MACROD2: variants seen among roughly 807,000 people sequenced by gnomAD.
MACROD2 encodes mono-ADP ribosylhydrolase 2, also known as ADP-ribose glycohydrolase MACROD2.
A neutral mutation model predicts 70.4 loss-of-function variants in MACROD2; 36 were observed. The observed-to-expected ratio is 0.51, with a 90% confidence interval of 0.39 to 0.68. MACROD2 has a LOEUF of 0.68. Ranked by LOEUF, MACROD2 falls within the 30% of genes least tolerant of loss-of-function variation. The pLI, the probability that MACROD2 is intolerant of heterozygous loss-of-function variation, is 0.00. For missense variants in MACROD2, 496 were observed against 538.4 expected (o/e 0.92, Z 0.78); for synonymous variants, 172 against 178.8 (o/e 0.96, Z 0.30).
chr20:14,014,222 TC>T (rs1182364099), intron 2 of MACROD2, among the ~76,000 whole-genome samples: 2 of 141,584 alleles, frequency 1.4e-5, no homozygotes, highest in Non-Finnish European at 3.1e-5. Flanking sequence ...CCTTTCTTGC[TC>T]CCCCCTCCCC....
chr20:14,605,381 C>T (rs1435292851), intron 4 of MACROD2, among the ~76,000 whole-genome samples: 2 of 86,444 alleles, frequency 2.3e-5, no homozygotes, highest in African/African-American at 9.5e-5. Flanking sequence ...TCCCTCTATA[C>T]CTGCTCAGGT....
At chr20:15,624,206 G>A (rs2049169624) in intron 8 of MACROD2, among the ~76,000 whole-genome samples, 1 of 152,324 alleles carries the variant, frequency 6.6e-6, no homozygotes, top group South Asian at 2.1e-4. Flanking sequence ...GGAGAAAGGT[G>A]AGTGCCAGAA....
intron 5 of MACROD2, among the ~76,000 whole-genome samples, chr20:14,802,483 C>A (rs532054275): frequency 2.6e-5 from 4 of 151,578 alleles, no homozygotes; most frequent in Non-Finnish European, 5.9e-5. Flanking sequence ...TTAGCACACA[C>A]TGTTGATACA....
chr20:14,966,984 A>G (rs960688472), intron 5 of MACROD2, among the ~76,000 whole-genome samples: 3 of 151,698 alleles, frequency 2.0e-5, no homozygotes, highest in Admixed American at 6.6e-5. Context: ...TTGTTTAAAC[A>G]AATAATTTAT....
At chr20:14,002,145 A>G in intron 1 of MACROD2, 143 bp from the exon 2 acceptor site, 1 of 436,518 alleles carries the variant, frequency 2.3e-6, no homozygotes, top group Admixed American at 4.3e-5. Context: ...ACATTTAAAT[A>G]TGGAGTCACT....
chr20:15,307,757 T>C (rs2077711961), intron 6 of MACROD2, among the ~76,000 whole-genome samples: 1 of 152,164 alleles, frequency 6.6e-6, no homozygotes, highest in East Asian at 1.9e-4. Flanking sequence ...TTCTTTTTTT[T>C]CTGGTCTAGG....
At chr20:14,493,138 T>C (rs906117828) in intron 3 of MACROD2, among the ~76,000 whole-genome samples, 1 of 152,026 alleles carries the variant, frequency 6.6e-6, no homozygotes, top group Non-Finnish European at 1.5e-5. Flanking sequence ...GACTAAATAA[T>C]ATTGTTCTAT....
chr20:15,235,862 A>T (rs1182801081), intron 6 of MACROD2, among the ~76,000 whole-genome samples: 1 of 152,000 alleles, frequency 6.6e-6, no homozygotes. Context: ...ATCTCCAAGA[A>T]CCCTCTTCTA....
intron 8 of MACROD2, among the ~76,000 whole-genome samples, chr20:15,819,297 G>GTATATAAATATATATACATATA (rs1555783408): frequency 0.02 from 2,667 of 136,710 alleles, 85 homozygotes; most frequent in African/African-American, 0.067. Context: ...TTATATATAA[G>GTATATAAATATATATACATATA]TATATAAATA....
At chr20:15,980,284 T>G (rs537708087) in intron 13 of MACROD2, among the ~76,000 whole-genome samples, 5 of 152,336 alleles carry the variant, frequency 3.3e-5, no homozygotes, top group African/African-American at 9.6e-5. Context: ...CTTGTTTTTT[T>G]CTTAAAACAG....
intron 5 of MACROD2, among the ~76,000 whole-genome samples, chr20:15,079,476 C>T (rs1568562649): frequency 2.0e-5 from 3 of 152,110 alleles, no homozygotes; most frequent in Non-Finnish European, 4.4e-5. Context: ...GCATCCCGTT[C>T]TTTGACTACT....
chr20:15,760,551 G>A (rs1172739450), intron 8 of MACROD2, among the ~76,000 whole-genome samples: 2 of 152,114 alleles, frequency 1.3e-5, no homozygotes, highest in African/African-American at 2.4e-5. Context: ...GCAACCCCAC[G>A]CATTCCTTCC....
chr20:14,356,315 T>G (rs1191293408), intron 3 of MACROD2, among the ~76,000 whole-genome samples: 1 of 152,134 alleles, frequency 6.6e-6, no homozygotes, highest in Non-Finnish European at 1.5e-5. Flanking sequence ...TAAGTTTTAA[T>G]AGGTCTTACT....
intron 2 of MACROD2, among the ~76,000 whole-genome samples, chr20:14,016,591 G>C (rs2052995774): frequency 1.3e-5 from 2 of 152,014 alleles, no homozygotes; most frequent in South Asian, 4.1e-4. Flanking sequence ...ATGGTATAAA[G>C]ATCCTTTTTG....
chr20:14,213,313 T>C (rs2081585399), intron 3 of MACROD2, among the ~76,000 whole-genome samples: 1 of 123,924 alleles, frequency 8.1e-6, no homozygotes, highest in Non-Finnish European at 1.6e-5. Context: ...CATAATACTA[T>C]AGAATTGCTA....
intron 5 of MACROD2, among the ~76,000 whole-genome samples, chr20:14,775,987 C>T (rs748296445): frequency 2.0e-5 from 3 of 151,928 alleles, no homozygotes; most frequent in Non-Finnish European, 4.4e-5. Context: ...ACAACAAGTC[C>T]CTGGAGTCCA....
At chr20:14,174,264 G>A (rs1157576501) in intron 3 of MACROD2, among the ~76,000 whole-genome samples, 1 of 152,064 alleles carries the variant, frequency 6.6e-6, no homozygotes, top group South Asian at 2.1e-4. Flanking sequence ...TGGCTACCAG[G>A]GCTGGTAGAC....
At chr20:14,320,225 TTCA>T (rs2082646607) in intron 3 of MACROD2, among the ~76,000 whole-genome samples, 1 of 152,182 alleles carries the variant, frequency 6.6e-6, no homozygotes, top group Non-Finnish European at 1.5e-5. Context: ...GCTGAAAATC[TTCA>T]TCATCTTCAA....
intron 3 of MACROD2, among the ~76,000 whole-genome samples, chr20:14,149,645 T>C (rs559922383): frequency 9.9e-5 from 15 of 152,264 alleles, no homozygotes; most frequent in African/African-American, 3.4e-4. Context: ...TTATAGCCAA[T>C]GTGTGTTGTT....
Sources: allele counts gnomAD v4.1 joint callset (sites outside exome capture counted in the v4.1 genomes callset), GRCh38; gene constraint gnomAD v4.1.1; transcripts MANE v1.5; gene names NCBI Gene and HGNC (gene_info 2026-07-23, HGNC 2026-07-21).